KIF5C: variants seen among roughly 807,000 people sequenced by gnomAD.
The protein encoded by KIF5C is kinesin family member 5C.
In KIF5C, 18 loss-of-function variants were observed where a neutral mutation model predicts 125.2. That is an observed-to-expected ratio of 0.14 (90% CI 0.10 to 0.21). The LOEUF (loss-of-function observed/expected upper bound fraction) is 0.21. Ranked by LOEUF, KIF5C falls within the 10% of genes least tolerant of loss-of-function variation. The probability of loss-of-function intolerance (pLI) is 1.00; values close to 1 mark genes in which losing one functional copy is unlikely to be tolerated. For missense variants in KIF5C, 780 were observed against 1,183.8 expected, an observed-to-expected ratio of 0.66 and a Z score of 5.01; for synonymous variants, 405 against 434.0, an observed-to-expected ratio of 0.93 and a Z score of 0.83.
intron 13 of KIF5C, among the ~76,000 whole-genome samples, chr2:148,980,675 C>CTTATTTATTTAT (rs5835290): frequency 3.5e-4 from 51 of 144,598 alleles, no homozygotes; most frequent in Admixed American, 3.5e-4. Context: ...AGATCCTTTG[C>CTTATTTATTTAT]TTATTTATTT....
intron 5 of KIF5C, 84 bp downstream of exon 5, chr2:148,941,742 A>G: frequency 6.6e-7 from 1 of 1,511,512 alleles, no homozygotes. Context: ...CTTCTGCTTA[A>G]GGAATTAATG....
chr2:148,968,960 G>A lies in KIF5C; in HGVS notation c.1118-4376G>A, dbSNP rs145536576. 1.9e-3 allele frequency among the ~76,000 whole-genome samples: 284 copies of A among 152,146 alleles called. 5 individuals carry two copies. Among genetic ancestry groups the A allele is most frequent in the Middle Eastern group, 0.017 (5 of 294 alleles). On this transcript the variant is annotated intron_variant, in intron 11 of 25. Transcript: ENST00000435030. ...TGCCAGATCTGCTGTGGTTCCTGGCGGAAGCTGTGAGTAACCAGCAAATCT... is the reference window on the plus strand; with the variant it reads ...TGCCAGATCTGCTGTGGTTCCTGGCAGAAGCTGTGAGTAACCAGCAAATCT...
chr2:149,026,527 T>C lies in KIF5C; in HGVS notation c.*3457T>C, dbSNP rs1347937006. ...TACAGTAGCTTTCACATTAAAAAAA[T>C]TGTGGACAAACTTGTCCGGGGGGTT... On this transcript the variant is annotated 3_prime_UTR_variant, in exon 26 of 26. Transcript: ENST00000435030. The C allele has an allele frequency of 6.6e-6, 1 of 152,580 alleles. No homozygotes were observed. The highest frequency in any genetic ancestry group is 2.4e-5 in the African/African-American group (1 of 41,414). 9.5% of individuals were successfully genotyped at this position (152,580 alleles called of 1,614,324 possible).
At chr2:148,978,557 A>G (rs1171651968) in intron 12 of KIF5C, among the ~76,000 whole-genome samples, 1 of 152,046 alleles carries the variant, frequency 6.6e-6, no homozygotes, top group Non-Finnish European at 1.5e-5. Flanking sequence ...CTAGGTAGAA[A>G]TTCACTCCTT....
rs111294927 is a variant in KIF5C, at chr2:148,979,135, G to A, written c.1362+145G>A. ...ATTTCTTGGTAGATGTCCCTTCACT[G>A]CCTCTTACAAGCTGATTATCACTGA... On this transcript the variant is annotated intron_variant, in intron 13 of 25. Coordinates refer to ENST00000435030, the MANE Select transcript of KIF5C (RefSeq NM_004522.3). 708 of 1,111,318 alleles carry A rather than the reference G, an allele frequency of 6.4e-4. 5 individuals carry two copies. The African/African-American group carries it at 0.01, about 16-fold the overall frequency. 68.8% of individuals were successfully genotyped at this position (1,111,318 alleles called of 1,614,324 possible).
chr2:148,900,146 T>C (rs1680840240), intron 1 of KIF5C, among the ~76,000 whole-genome samples: 1 of 152,218 alleles, frequency 6.6e-6, no homozygotes, highest in African/African-American at 2.4e-5. Context: ...ATTTGACTTC[T>C]ATGCAGCTTA....
chr2:149,007,984 G>C lies in KIF5C; in HGVS notation c.2467G>C (p.Asp823His), dbSNP rs1467430945. Residue 823 changes from aspartate to histidine, a missense_variant, in exon 23 of 26, where the codon GAT becomes CAT. Asp to His is a moderately conservative substitution (Grantham distance 81). Coordinates refer to ENST00000435030, the MANE Select transcript of KIF5C (RefSeq NM_004522.3). ...GCAGAGTGTGGAGTTGGACAACGAT[G>C]ATGGAGGGGGCAGTGCTGCCCAGAA... is the stretch of plus-strand genomic sequence containing the variant. ...VKKSVELDND[D>H]GGGSAAQKQK... 5.0e-6 allele frequency: 8 copies of C among 1,609,078 alleles called. No homozygotes were observed. The highest frequency in any genetic ancestry group is 6.8e-6 in the Non-Finnish European group (8 of 1,176,594).
rs1246805658 is a variant in KIF5C at position 148,994,489 on chromosome 2, A to C, written c.1974A>C (p.Glu658Asp). The C allele has an allele frequency of 6.3e-7, 1 of 1,575,764 alleles. No individual in the cohort carries two copies. The highest frequency in any genetic ancestry group is 1.8e-5 in the Admixed American group (1 of 54,086). The change falls in exon 17 of 26, where the codon GAA becomes GAC. Residue 658 changes from glutamate (E) to aspartate (D), a missense_variant. Coordinates refer to ENST00000435030, the MANE Select transcript of KIF5C (RefSeq NM_004522.3). The part of the protein sequence containing the change: ...QNMEQKRRQL[E>D]ESQDSLSEEL... ...TGGAACAGAAGAGGAGGCAGCTAGA[A>C]GAGTCCCAGGACTCGCTCAGCGAAG... is the stretch of plus-strand genomic sequence containing the variant.
At chr2:148,950,529 C>CT (rs1682632573) in intron 10 of KIF5C, 67 bp downstream of exon 10, 1 of 1,535,336 alleles carries the variant, frequency 6.5e-7, no homozygotes, top group Admixed American at 1.9e-5. Context: ...AATGGCAAGG[C>CT]TGGGTGCAAT....
At chr2:148,910,928 G>A (rs1439909538) in intron 1 of KIF5C, among the ~76,000 whole-genome samples, 2 of 152,196 alleles carry the variant, frequency 1.3e-5, no homozygotes, top group African/African-American at 2.4e-5. Context: ...GACAACTGTG[G>A]GAGAGATAGC....
chr2:148,889,468 C>G (rs1221265030), intron 1 of KIF5C, among the ~76,000 whole-genome samples: 3 of 152,182 alleles, frequency 2.0e-5, no homozygotes, highest in Non-Finnish European at 4.4e-5. Flanking sequence ...TGCTGTACCC[C>G]ACTCCCCAAC....
intron 25 of KIF5C, among the ~76,000 whole-genome samples, chr2:149,012,464 T>C (rs1432530907): frequency 6.6e-6 from 1 of 152,218 alleles, no homozygotes; most frequent in Non-Finnish European, 1.5e-5. Context: ...TCTAAGCCCT[T>C]GCTAGGGTAG....
At chr2:148,915,814 G>A (rs191154462) in intron 1 of KIF5C, among the ~76,000 whole-genome samples, 13 of 152,314 alleles carry the variant, frequency 8.5e-5, no homozygotes, top group Middle Eastern at 3.4e-3. Flanking sequence ...TATAGAGTGC[G>A]CCATCACGTG....
intron 14 of KIF5C, 111 bp downstream of exon 14, chr2:148,981,672 C>T: frequency 6.9e-7 from 1 of 1,445,186 alleles, no homozygotes; most frequent in Non-Finnish European, 9.1e-7. Context: ...AATAGTTATT[C>T]AGTGTTAGAT....
At chr2:149,018,090 A>T (rs1452659146) in intron 25 of KIF5C, among the ~76,000 whole-genome samples, 1 of 152,150 alleles carries the variant, frequency 6.6e-6, no homozygotes, top group African/African-American at 2.4e-5. Flanking sequence ...GGAGTTTGAG[A>T]CAAGCCTGGA....
rs1023983480 is a variant in KIF5C, at chr2:149,025,748, G to T, written c.*2678G>T. 2.8e-4 allele frequency: 42 copies of T among 152,396 alleles called. No homozygotes were observed. The highest frequency in any genetic ancestry group is 9.9e-4 in the African/African-American group (41 of 41,444). 9.4% of individuals were successfully genotyped at this position (152,396 alleles called of 1,614,324 possible). A position where few individuals can be genotyped will look rare whatever the true frequency, so the allele number is the denominator to read the frequency against. On this transcript the variant is annotated 3_prime_UTR_variant, in exon 26 of 26. Transcript: ENST00000435030. ...TGGATTGGTAAATTAGGAGAATGTT[G>T]TTTGAGATATCAAGATTTATGTCTG...
intron 1 of KIF5C, among the ~76,000 whole-genome samples, chr2:148,920,393 T>C (rs1199130881): frequency 6.6e-6 from 1 of 152,230 alleles, no homozygotes; most frequent in Non-Finnish European, 1.5e-5. Context: ...AATAAGCATG[T>C]AGTAGGCTGA....
rs554122650 is a variant in KIF5C, at chr2:148,875,596, C to A, written c.-22C>A. On this transcript the variant is annotated 5_prime_UTR_variant, in exon 1 of 26. Transcript: ENST00000435030. ...CCCGGCCCCCCACCCATCCCCGTGC[C>A]CCCTCCCTACCGCCGGCCGAGATGG... 2.0e-6 allele frequency: 3 copies of A among 1,478,652 alleles called. No individual in the cohort carries two copies. Among genetic ancestry groups the A allele is most frequent in the Non-Finnish European group, 2.8e-6 (3 of 1,087,000 alleles). The allele number at this position is 1,478,652 out of a possible 1,614,324, so 91.6% of individuals were successfully genotyped here. A position where few individuals can be genotyped will look rare whatever the true frequency, so the allele number is the denominator to read the frequency against.
At chr2:148,971,666 T>A (rs574870032) in intron 11 of KIF5C, among the ~76,000 whole-genome samples, 5 of 152,338 alleles carry the variant, frequency 3.3e-5, no homozygotes, top group African/African-American at 1.2e-4. Flanking sequence ...TTATTCTATG[T>A]TTTGCTTCAA....
Sources: allele counts gnomAD v4.1 joint callset (sites outside exome capture counted in the v4.1 genomes callset), GRCh38; gene constraint gnomAD v4.1.1; transcripts MANE v1.5; gene names NCBI Gene and HGNC (gene_info 2026-07-23, HGNC 2026-07-21).